Variants in EPM2A observed in about 807,000 individuals in gnomAD.
EPM2A encodes EPM2A glucan phosphatase, laforin.
In EPM2A, 21 loss-of-function variants were observed where a neutral mutation model predicts 26.5. That is an observed-to-expected ratio of 0.79 (90% CI 0.56 to 1.14). The LOEUF (loss-of-function observed/expected upper bound fraction) is 1.14, where lower values mean the gene tolerates loss of function less well. Ranked by LOEUF, EPM2A falls within the 50% of genes most tolerant of loss-of-function variation. The probability of loss-of-function intolerance (pLI) is 0.00; values close to 1 mark genes in which losing one functional copy is unlikely to be tolerated. For synonymous variants in EPM2A, 217 were observed against 177.6 expected, an observed-to-expected ratio of 1.22 and a Z score of -1.76; for missense variants, 458 against 440.8, an observed-to-expected ratio of 1.04 and a Z score of -0.35.
intron 2 of EPM2A, chr6:145,502,595 AG>A (rs1173773611): frequency 2.1e-6 from 1 of 470,884 alleles, no homozygotes; most frequent in Admixed American, 2.3e-5. Flanking sequence ...GGAGGAGAGG[AG>A]TGGCAGCTTA....
chr6:145,505,952 T>A (rs1292523876), intron 2 of EPM2A, among the ~76,000 whole-genome samples: 1 of 152,228 alleles, frequency 6.6e-6, no homozygotes, highest in African/African-American at 2.4e-5. Context: ...TCCTAGTTGA[T>A]TGAACATGAA....
chr6:145,735,219 C>G lies in EPM2A; in HGVS notation c.280G>C (p.Gly94Arg). The G allele has an allele frequency of 6.5e-7, 1 of 1,533,128 alleles. No homozygotes were observed. Among genetic ancestry groups the G allele is most frequent in the Non-Finnish European group, 8.8e-7 (1 of 1,138,398 alleles). 95.0% of individuals were successfully genotyped at this position (1,533,128 alleles called of 1,614,324 possible). A position where few individuals can be genotyped will look rare whatever the true frequency, so the allele number is the denominator to read the frequency against. ...ATACCTTCCCAGGAGAGCTCTCCTC[C>G]CGGCTCCCGCTTCAGGAACTTGTAC... Reference protein sequence around the residue: ...FWYKFLKREPGGELSWEGNGP... With the variant: ...FWYKFLKREPRGELSWEGNGP... Residue 94 changes from glycine (G) to arginine (R), a missense_variant, in exon 1 of 4, where the codon GGA (glycine) becomes CGA (arginine). By Grantham distance (125) the Gly-to-Arg change is moderately radical. Coordinates refer to ENST00000367519, the MANE Select transcript of EPM2A (RefSeq NM_005670.4).
intron 2 of EPM2A, among the ~76,000 whole-genome samples, chr6:145,536,613 A>C (rs2114789507): frequency 6.6e-6 from 1 of 152,122 alleles, no homozygotes; most frequent in Non-Finnish European, 1.5e-5. Flanking sequence ...CCAGGTTTTT[A>C]TGTTCACTCA....
chr6:145,662,376 CATTAA>C (rs1778783335), intron 2 of EPM2A, among the ~76,000 whole-genome samples: 1 of 151,982 alleles, frequency 6.6e-6, no homozygotes, highest in Admixed American at 6.5e-5. Context: ...CCTGATTGAT[CATTAA>C]TTTTAGCTTT....
intron 2 of EPM2A, among the ~76,000 whole-genome samples, chr6:145,601,746 T>C (rs1426278835): frequency 6.6e-6 from 1 of 152,188 alleles, no homozygotes; most frequent in African/African-American, 2.4e-5. Context: ...AAACTGAAAC[T>C]TTCTTTCCCA....
intron 2 of EPM2A, among the ~76,000 whole-genome samples, chr6:145,677,288 T>C (rs956250746): frequency 3.9e-5 from 6 of 152,218 alleles, no homozygotes; most frequent in Non-Finnish European, 7.4e-5. Context: ...TATCTCAAAA[T>C]AGTAAGAGCT....
chr6:145,624,905 A>G (rs1327004211), downstream of EPM2A, among the ~76,000 whole-genome samples: 1 of 152,214 alleles, frequency 6.6e-6, no homozygotes, highest in Non-Finnish European at 1.5e-5. Context: ...AATGCTGGCA[A>G]GCAGAATGAT....
intron 4 of EPM2A, among the ~76,000 whole-genome samples, chr6:145,454,607 A>G (rs990682943): frequency 1.3e-5 from 2 of 152,212 alleles, no homozygotes; most frequent in African/African-American, 2.4e-5. Context: ...GGGATACTGA[A>G]AAAATTTTCG....
chr6:145,735,354 C>A lies in EPM2A; in HGVS notation c.145G>T (p.Asp49Tyr). The change falls in exon 1 of 4, where the codon GAC (aspartate) becomes TAC (tyrosine). Residue 49 changes from aspartate to tyrosine, a missense_variant. By Grantham distance (160) the Asp-to-Tyr change is radical (BLOSUM62 -3). Coordinates refer to ENST00000367519, the MANE Select transcript of EPM2A (RefSeq NM_005670.4). ...RLRPAGTAAG[D>Y]GALALQEPGL... ...GGCTCCTGCAGGGCCAGGGCCCCGT[C>A]GCCCGCCGCGGTGCCGGCCGGCCTC... 7.7e-7 allele frequency: 1 copy of A among 1,301,948 alleles called. No homozygotes were observed. Among genetic ancestry groups the A allele is most frequent in the Admixed American group, 3.4e-5 (1 of 29,696 alleles). 80.6% of individuals were successfully genotyped at this position (1,301,948 alleles called of 1,614,324 possible). A position where few individuals can be genotyped will look rare whatever the true frequency, so the allele number is the denominator to read the frequency against.
Position 145,583,201 on chromosome 6 carries a change from GTGTGGTCATT to G in EPM2A, c.340+52034_340+52043del, listed in dbSNP as rs1420010978. Among the ~76,000 whole-genome samples, 3 of 152,324 alleles carry G rather than the reference GTGTGGTCATT, an allele frequency of 2.0e-5. No homozygotes were observed. In the East Asian group the frequency reaches 5.8e-4, roughly 29 times the overall value. On this transcript the variant is annotated intron_variant, in intron 2 of 3. Coordinates refer to the EPM2A transcript ENST00000450221. ...GTTAAGAACCATTGCTGTGGAACTAGTGTGGTCATTTGGAGGTAAGAAGACACTCTGGCTT... is the reference window on the plus strand; with the variant it reads ...GTTAAGAACCATTGCTGTGGAACTAGTGGAGGTAAGAAGACACTCTGGCTT...
In EPM2A at chr6:145,541,346, G is replaced by A. The variant is rs77461376; in HGVS notation, c.341-38771C>T. Among the ~76,000 whole-genome samples, 16 of 148,360 alleles carry A rather than the reference G, an allele frequency of 1.1e-4. 1 individual carries two copies. Among genetic ancestry groups the A allele is most frequent in the South Asian group, 8.5e-4 (4 of 4,706 alleles). On this transcript the variant is annotated intron_variant, in intron 2 of 3. Coordinates refer to the EPM2A transcript ENST00000450221. ...TATATGTGTATATATATGTGTGTGT[G>A]TATATATATATATATGATCGGTGTT... is the stretch of plus-strand genomic sequence containing the variant.
At chr6:145,647,375 C>T (rs978080118) in intron 2 of EPM2A, among the ~76,000 whole-genome samples, 1 of 152,218 alleles carries the variant, frequency 6.6e-6, no homozygotes, top group Non-Finnish European at 1.5e-5. Flanking sequence ...CATTCCCCTG[C>T]TCATCTATTC....
chr6:145,455,196 T>C (rs1779247132), intron 4 of EPM2A, among the ~76,000 whole-genome samples: 2 of 152,082 alleles, frequency 1.3e-5, no homozygotes, highest in Non-Finnish European at 2.9e-5. Context: ...AATTTAAGTG[T>C]ATTCCCCTCA....
At chr6:145,605,297 G>A (rs980874853) in intron 2 of EPM2A, among the ~76,000 whole-genome samples, 6 of 152,042 alleles carry the variant, frequency 3.9e-5, no homozygotes, top group Non-Finnish European at 8.8e-5. Context: ...GGTAACTAAA[G>A]CATCCTTTGG....
chr6:145,649,329 A>T (rs1306458066), intron 2 of EPM2A, among the ~76,000 whole-genome samples: 4 of 152,206 alleles, frequency 2.6e-5, no homozygotes. Flanking sequence ...ATTAATGCAT[A>T]TCTCACAGCA....
At chr6:145,485,493 C>T (rs1779660118) in intron 4 of EPM2A, among the ~76,000 whole-genome samples, 1 of 151,932 alleles carries the variant, frequency 6.6e-6, no homozygotes, top group Admixed American at 6.6e-5. Context: ...GGCAGCACTT[C>T]AGAGAGAGAA....
At chr6:145,629,229 A>G (rs918444071) in intron 3 of EPM2A, 5 of 152,170 alleles carry the variant, frequency 3.3e-5, no homozygotes, top group African/African-American at 9.7e-5. Context: ...GTTGCCATAC[A>G]CTGTTGTTCC....
intron 2 of EPM2A, among the ~76,000 whole-genome samples, chr6:145,650,054 G>T (rs1179545653): frequency 6.6e-6 from 1 of 152,120 alleles, no homozygotes; most frequent in Non-Finnish European, 1.5e-5. Flanking sequence ...GGGGGTGGAG[G>T]CTCTCGATGA....
chr6:145,571,646 C>G (rs750846698), intron 2 of EPM2A, among the ~76,000 whole-genome samples: 3 of 152,184 alleles, frequency 2.0e-5, no homozygotes, highest in African/African-American at 7.2e-5. Flanking sequence ...GGTGCCATAT[C>G]GAGGGCTCAG....
Sources: gnomAD v4.1 joint callset for allele counts (sites outside exome capture counted in the v4.1 genomes callset) on GRCh38, gnomAD v4.1.1 for gene constraint, MANE v1.5 for transcripts, NCBI Gene and HGNC (gene_info 2026-07-23, HGNC 2026-07-21) for gene names.